PTDSS1: variants seen among roughly 807,000 people sequenced by gnomAD.
PTDSS1 encodes the protein phosphatidylserine synthase 1.
Under a neutral mutation model 70.5 loss-of-function variants are expected in PTDSS1, and 45 were observed. The ratio of observed to expected loss-of-function variants is 0.64; its 90% CI spans 0.50 to 0.82. The LOEUF is 0.82. PTDSS1 is among the 40% of genes least tolerant of loss of function. The pLI is 0.00. For missense variants in PTDSS1, 417 were observed against 586.1 expected, an observed-to-expected ratio of 0.71 and a Z score of 2.98; for synonymous variants, 188 against 203.8, an observed-to-expected ratio of 0.92 and a Z score of 0.66.
At position 96,320,342 on chromosome 8, in the gene PTDSS1, C is replaced by T. The variant is rs554632023; in HGVS notation, c.1170C>T (p.Cys390=). ...QILYVVLWLL[C]VAFTTFLCLY... ...TCTATGTTGTGCTTTGGCTTCTTTG[C>T]GTGGTAAGTCACTGCATTTTACCCA... The change falls in exon 10 of 13, where the codon TGC becomes TGT. Residue 390 remains cysteine (C), a synonymous_variant. Coordinates refer to ENST00000517309, the MANE Select transcript of PTDSS1 (RefSeq NM_014754.3). 6.9e-6 allele frequency: 11 copies of T among 1,601,348 alleles called. No homozygotes were observed. The East Asian group carries it at 1.1e-4, about 16-fold the overall frequency.
At position 96,304,052 on chromosome 8, in the gene PTDSS1, C is replaced by T. The variant is rs1468073770; in HGVS notation, c.765C>T (p.Thr255=). The stretch of plus-strand genomic sequence containing the variant: ...TCTCTTCTTACAGGGACATTCATAC[C>T]ACCACCGGGAAGATCAAGAGAGCTG... ...YHWASFKDIH[T]TTGKIKRAVL... The change falls in exon 7 of 13, where the codon ACC becomes ACT. Residue 255 remains threonine (T), a synonymous_variant. Coordinates refer to ENST00000517309, the MANE Select transcript of PTDSS1 (RefSeq NM_014754.3). 3 of 1,608,532 alleles carry T rather than the reference C, an allele frequency of 1.9e-6. No homozygotes were observed. In the South Asian group the frequency reaches 3.3e-5, roughly 18 times the overall value.
intron 10 of PTDSS1, among the ~76,000 whole-genome samples, chr8:96,327,689 T>C (rs1257514252): frequency 6.6e-6 from 1 of 152,060 alleles, no homozygotes; most frequent in African/African-American, 2.4e-5. Context: ...AATAAGCTTT[T>C]CCAGGAGCGT....
At chr8:96,280,744 C>T (rs556143418) in intron 2 of PTDSS1, among the ~76,000 whole-genome samples, 44 of 152,210 alleles carry the variant, frequency 2.9e-4, no homozygotes, top group South Asian at 1.5e-3. Context: ...AGTAACCAAA[C>T]CACAGATCCA....
chr8:96,314,363 A>G (rs188221094), intron 9 of PTDSS1, among the ~76,000 whole-genome samples: 71 of 152,258 alleles, frequency 4.7e-4, no homozygotes, highest in South Asian at 8.3e-4. Flanking sequence ...GTCTGTCTTA[A>G]GGGTAGATGC....
At chr8:96,307,152 C>T (rs1199405630) in intron 8 of PTDSS1, among the ~76,000 whole-genome samples, 1 of 152,098 alleles carries the variant, frequency 6.6e-6, no homozygotes, top group Non-Finnish European at 1.5e-5. Context: ...CAGTTCAAAG[C>T]AAGCATTTTC....
intron 7 of PTDSS1, among the ~76,000 whole-genome samples, 200 bp from the exon 8 acceptor site, chr8:96,306,240 TCTCC>T (rs1467058561): frequency 6.6e-6 from 1 of 152,172 alleles, no homozygotes; most frequent in Non-Finnish European, 1.5e-5. Flanking sequence ...CCCTGCCACC[TCTCC>T]CTGGGCCTCC....
In PTDSS1 at chr8:96,309,331, G is replaced by A. The variant is rs531229072; in HGVS notation, c.1008-226G>A. 8.9e-4 allele frequency: 354 copies of A among 398,992 alleles called. 3 individuals are homozygous for A. Among genetic ancestry groups the A allele is most frequent in the African/African-American group, 6.3e-3 (311 of 49,004 alleles). 24.7% of individuals were successfully genotyped at this position (398,992 alleles called of 1,614,324 possible). ...CGGCACTCAGACCAGACAAGAATCT[G>A]GCTCTTTAAATGATGCTCCCCTGCC... On this transcript the variant is annotated intron_variant, in intron 8 of 12. Transcript: ENST00000517309.
intron 10 of PTDSS1, among the ~76,000 whole-genome samples, chr8:96,329,167 A>G (rs1811478406): frequency 6.6e-6 from 1 of 152,182 alleles, no homozygotes; most frequent in Admixed American, 6.5e-5. Flanking sequence ...GTGCAAGATG[A>G]GAGGGGTCCA....
intron 4 of PTDSS1, among the ~76,000 whole-genome samples, chr8:96,288,994 G>T (rs1586191201): frequency 6.6e-6 from 1 of 151,794 alleles, no homozygotes; most frequent in African/African-American, 2.4e-5. Flanking sequence ...GAATGTAGTG[G>T]CACAATCTCG....
intron 8 of PTDSS1, 68 bp downstream of exon 8, chr8:96,306,624 A>G: frequency 8.1e-7 from 1 of 1,227,646 alleles, no homozygotes; most frequent in Non-Finnish European, 1.2e-6. Flanking sequence ...TGTTTAGCAT[A>G]AGGAAAGTCA....
At chr8:96,317,935 A>C (rs1811320000) in intron 9 of PTDSS1, among the ~76,000 whole-genome samples, 1 of 149,328 alleles carries the variant, frequency 6.7e-6, no homozygotes, top group African/African-American at 2.5e-5. Flanking sequence ...GCATGCGTAT[A>C]CTGGATCACA....
chr8:96,333,104 G>A (rs528461470), intron 12 of PTDSS1, among the ~76,000 whole-genome samples: 12 of 152,306 alleles, frequency 7.9e-5, no homozygotes, highest in Admixed American at 5.2e-4. Flanking sequence ...GATGGGCACC[G>A]CGTGGTGTGT....
chr8:96,274,665 C>T (rs1026486581), intron 2 of PTDSS1, among the ~76,000 whole-genome samples: 4 of 152,144 alleles, frequency 2.6e-5, no homozygotes, highest in Non-Finnish European at 5.9e-5. Context: ...GCGGAGGTTG[C>T]GGTGAGCCAA....
intron 9 of PTDSS1, among the ~76,000 whole-genome samples, chr8:96,319,652 C>T (rs981810414): frequency 1.3e-5 from 2 of 152,136 alleles, no homozygotes; most frequent in African/African-American, 4.8e-5. Flanking sequence ...TTGAAAGACT[C>T]TCTTGGAAGG....
chr8:96,302,280 A>C (rs1489190795), intron 6 of PTDSS1, among the ~76,000 whole-genome samples: 1 of 151,656 alleles, frequency 6.6e-6, no homozygotes, highest in Non-Finnish European at 1.5e-5. Context: ...GATCTGCCTT[A>C]CTCGGCCTCC....
intron 10 of PTDSS1, among the ~76,000 whole-genome samples, chr8:96,327,123 A>G (rs148175376): frequency 1.3e-5 from 2 of 152,176 alleles, no homozygotes; most frequent in Non-Finnish European, 2.9e-5. Context: ...GTCCTGTTTT[A>G]TGGGAAATTC....
intron 10 of PTDSS1, among the ~76,000 whole-genome samples, chr8:96,326,907 G>C (rs1438480745): frequency 6.6e-6 from 1 of 152,148 alleles, no homozygotes; most frequent in Non-Finnish European, 1.5e-5. Context: ...AGTTGTTTAA[G>C]GAATGTGCTC....
At chr8:96,289,575 A>G (rs1240768917) in intron 4 of PTDSS1, among the ~76,000 whole-genome samples, 4 of 152,298 alleles carry the variant, frequency 2.6e-5, no homozygotes, top group Middle Eastern at 6.8e-3. Flanking sequence ...ATATCACACT[A>G]TTTTATACTA....
Position 96,323,216 on chromosome 8 carries a change from G to C in PTDSS1, c.1173+2871G>C, listed in dbSNP as rs762613582. ...AGCCAGTGCTTCAGTTCTTCCAGGC[G>C]GGAGTTGCACACTGGCAACCCTACA... is the stretch of plus-strand genomic sequence containing the variant. On this transcript the variant is annotated intron_variant, in intron 10 of 12. Transcript: ENST00000517309. Among the ~76,000 whole-genome samples, 33 of 152,186 alleles carry C rather than the reference G, an allele frequency of 2.2e-4. 3 individuals carry two copies. Among genetic ancestry groups the C allele is most frequent in the Admixed American group, 1.9e-3 (29 of 15,286 alleles).
Sources: gnomAD v4.1 joint callset for allele counts (sites outside exome capture counted in the v4.1 genomes callset) on GRCh38, gnomAD v4.1.1 for gene constraint, MANE v1.5 for transcripts, NCBI Gene and HGNC (gene_info 2026-07-23, HGNC 2026-07-21) for gene names.